CHPT1: variants seen among roughly 807,000 people sequenced by gnomAD.
CHPT1 encodes choline phosphotransferase 1, also known as cholinephosphotransferase 1.
A neutral mutation model predicts 47.6 loss-of-function variants in CHPT1; 36 were observed. The ratio of observed to expected loss-of-function variants is 0.76; its 90% CI spans 0.58 to 1.00. The LOEUF (loss-of-function observed/expected upper bound fraction) is 1.00. CHPT1 is among the 50% of genes least tolerant of loss of function. The probability of loss-of-function intolerance (pLI) is 0.00; values close to 1 mark genes in which losing one functional copy is unlikely to be tolerated. For missense variants in CHPT1, 458 were observed against 498.1 expected (o/e 0.92, Z 0.77); for synonymous variants, 194 against 186.3 (o/e 1.04, Z -0.33).
At chr12:101,705,978 A>G (rs973876926) in intron 1 of CHPT1, among the ~76,000 whole-genome samples, 12 of 151,958 alleles carry the variant, frequency 7.9e-5, no homozygotes, top group African/African-American at 2.9e-4. Context: ...TGCCCGCCTC[A>G]GCCTTCCAAA....
rs180935054 is a variant in CHPT1 at position 101,701,111 on chromosome 12, T to C, written c.273+2977T>C. Among the ~76,000 whole-genome samples the C allele has an allele frequency of 1.2e-3, 183 of 152,276 alleles. 1 individual carries two copies. In the Middle Eastern group the frequency reaches 0.02, roughly 17 times the overall value. The stretch of plus-strand genomic sequence containing the variant: ...ATAAAGGGAAACTAATAGAAAAAAG[T>C]TGTGATTTATATTTAGCTTCTGCAA... On this transcript the variant is annotated intron_variant, in intron 1 of 8. Coordinates refer to ENST00000229266, the MANE Select transcript of CHPT1 (RefSeq NM_020244.3).
intron 8 of CHPT1, chr12:101,727,140 A>C (rs935965881): frequency 2.0e-5 from 3 of 152,190 alleles, no homozygotes; most frequent in Non-Finnish European, 2.9e-5. Flanking sequence ...TTTCATGAAA[A>C]ATGAAAACAG....
chr12:101,728,896 C>CT lies in CHPT1; in HGVS notation c.1177-3dup, dbSNP rs1474210309. The CT allele has an allele frequency of 6.2e-7, 1 of 1,613,154 alleles. No homozygotes were observed. Among genetic ancestry groups the CT allele is most frequent in the Admixed American group, 1.7e-5 (1 of 59,972 alleles). ...CTAACGTTATAATTGTATCATATTA[C>CT]TTAGGTTCAAGTTCTTTCTTCAAAG... On this transcript the variant is annotated splice_polypyrimidine_tract_variant and splice_region_variant and intron_variant, in intron 8 of 8. Transcript: ENST00000229266.
chr12:101,709,789 A>C (rs996244213), intron 1 of CHPT1, among the ~76,000 whole-genome samples: 1 of 148,660 alleles, frequency 6.7e-6, no homozygotes, highest in African/African-American at 2.4e-5. Flanking sequence ...GAAAGTGCTT[A>C]TCAGCAGGTT....
chr12:101,715,204 T>C (rs1252217665), intron 3 of CHPT1: 2 of 152,210 alleles, frequency 1.3e-5, no homozygotes, highest in Non-Finnish European at 2.9e-5. Flanking sequence ...GACCAGGAAA[T>C]AGTGCACAAA....
At chr12:101,704,209 A>G (rs1317214344) in intron 1 of CHPT1, among the ~76,000 whole-genome samples, 1 of 151,940 alleles carries the variant, frequency 6.6e-6, no homozygotes, top group Non-Finnish European at 1.5e-5. Flanking sequence ...TTTTTTCAGT[A>G]TAAAAATTTA....
chr12:101,703,762 A>G (rs889980935), intron 1 of CHPT1, among the ~76,000 whole-genome samples: 6 of 152,190 alleles, frequency 3.9e-5, no homozygotes, highest in African/African-American at 1.4e-4. Context: ...TTAGGCACTT[A>G]TTGGGTTAGA....
At chr12:101,718,178 G>A (rs1951791944) in intron 4 of CHPT1, among the ~76,000 whole-genome samples, 1 of 152,178 alleles carries the variant, frequency 6.6e-6, no homozygotes, top group South Asian at 2.1e-4. Flanking sequence ...AAACTATTTT[G>A]TATGATACTA....
intron 1 of CHPT1, among the ~76,000 whole-genome samples, chr12:101,707,850 A>G (rs1194425627): frequency 6.6e-6 from 1 of 152,118 alleles, no homozygotes; most frequent in Non-Finnish European, 1.5e-5. Flanking sequence ...TCTCACCTCA[A>G]TCTTTCTCCT....
Position 101,697,848 on chromosome 12 carries a change from G to C in CHPT1, c.-14G>C, listed in dbSNP as rs1291343162. 1.9e-6 allele frequency: 2 copies of C among 1,080,584 alleles called. No individual in the cohort carries two copies. The highest frequency in any genetic ancestry group is 3.4e-5 in the African/African-American group (2 of 59,426). 66.9% of individuals were successfully genotyped at this position (1,080,584 alleles called of 1,614,324 possible). On this transcript the variant is annotated 5_prime_UTR_variant, in exon 1 of 9. Transcript: ENST00000229266. Reference sequence around the variant, plus strand: ...GGCTGCGCTCGGTGGCGGCGGCGGGGCCCTCAGGCGGCCATGGCGGCAGGC... The same window carrying C: ...GGCTGCGCTCGGTGGCGGCGGCGGGCCCCTCAGGCGGCCATGGCGGCAGGC...
chr12:101,727,216 T>A (rs1053223428), intron 8 of CHPT1: 20 of 152,174 alleles, frequency 1.3e-4, no homozygotes, highest in African/African-American at 4.6e-4. Context: ...GTAAAAAAAA[T>A]CTTCCTTTTA....
At chr12:101,723,439 A>T in intron 6 of CHPT1, 113 bp downstream of exon 6, 1 of 706,062 alleles carries the variant, frequency 1.4e-6, no homozygotes, top group East Asian at 2.8e-5. Context: ...AAATCATAAT[A>T]ATTAGCTATT....
rs375437952 is a variant in CHPT1 at position 101,714,550 on chromosome 12, T to C, written c.468T>C (p.Tyr156=). ...GASIAARLGT[Y]PDWFFFCSFI... ...CAATTGCCGCTCGCTTAGGAACTTA[T>C]CCTGACTGGTTTTTTTTCTGCTCTT... Residue 156 remains tyrosine, a synonymous_variant, in exon 3 of 9, where the codon TAT becomes TAC. Transcript: ENST00000229266. 79 of 1,613,118 alleles carry C rather than the reference T, an allele frequency of 4.9e-5. No individual in the cohort carries two copies. In the African/African-American group the frequency reaches 9.1e-4, roughly 19 times the overall value.
At position 101,697,957 on chromosome 12, in the gene CHPT1, C is replaced by T. The variant is rs1366761430; in HGVS notation, c.96C>T (p.His32=). Residue 32 remains histidine (H), a synonymous_variant, in exon 1 of 9, where the codon CAC becomes CAT. Transcript: ENST00000229266. ...SAAQLRRLEE[H]RYSAAGVSLL... ...CGCAGCTGCGGCGACTGGAGGAGCACCGCTACAGCGCGGCGGGCGTCTCGC... is the reference window on the plus strand; with the variant it reads ...CGCAGCTGCGGCGACTGGAGGAGCATCGCTACAGCGCGGCGGGCGTCTCGC... The T allele has an allele frequency of 4.5e-6, 7 of 1,552,544 alleles. No homozygotes were observed. Among genetic ancestry groups the T allele is most frequent in the Non-Finnish European group, 5.2e-6 (6 of 1,159,930 alleles).
rs192679116 is a variant in CHPT1, at chr12:101,721,080, G to A, written c.780+826G>A. Among the ~76,000 whole-genome samples, 252 of 152,088 alleles carry A rather than the reference G, an allele frequency of 1.7e-3. 1 individual carries two copies. The highest frequency in any genetic ancestry group is 2.5e-3 in the Non-Finnish European group (171 of 67,986). On this transcript the variant is annotated intron_variant, in intron 5 of 8. Transcript: ENST00000229266. ...GTGGATCACTTGAGGTCAAGAGTTC[G>A]AGACCAGCCTGGCCAACATGGTGAA... is the stretch of plus-strand genomic sequence containing the variant.
At chr12:101,723,701 T>G in intron 6 of CHPT1, 21 bp from the exon 7 acceptor site, 1 of 1,391,568 alleles carries the variant, frequency 7.2e-7, no homozygotes, top group Non-Finnish European at 9.7e-7. Flanking sequence ...AGTAAAATTA[T>G]TTTGTTTAAT....
At chr12:101,707,311 T>C (rs911857986) in intron 1 of CHPT1, among the ~76,000 whole-genome samples, 5 of 152,128 alleles carry the variant, frequency 3.3e-5, no homozygotes, top group Non-Finnish European at 5.9e-5. Flanking sequence ...AGCTGGAGTA[T>C]GAAGGTGGGT....
At chr12:101,722,718 A>C (rs1951872423) in intron 5 of CHPT1, among the ~76,000 whole-genome samples, 1 of 151,320 alleles carries the variant, frequency 6.6e-6, no homozygotes, top group Non-Finnish European at 1.5e-5. Context: ...AAAAAAAAAA[A>C]AAAAAAAAGA....
At chr12:101,726,625 G>C in intron 8 of CHPT1, 1 of 559,334 alleles carries the variant, frequency 1.8e-6, no homozygotes, top group East Asian at 3.0e-5. Context: ...TCTCAGAATT[G>C]TCTACATATT....
Sources: gnomAD v4.1 joint callset for allele counts (sites outside exome capture counted in the v4.1 genomes callset) on GRCh38, gnomAD v4.1.1 for gene constraint, MANE v1.5 for transcripts, NCBI Gene and HGNC (gene_info 2026-07-23, HGNC 2026-07-21) for gene names.